The following UPP2 variants were observed in gnomAD, a reference collection of about 807,000 sequenced individuals.
UPP2 encodes the protein uridine phosphorylase 2.
In UPP2, 23 loss-of-function variants were observed where a neutral mutation model predicts 26.7. That is an observed-to-expected ratio of 0.86 (90% CI 0.62 to 1.22). UPP2 has a LOEUF of 1.22. Among genes scored for constraint, UPP2 ranks in the 50% most tolerant of loss-of-function variants. The pLI is 0.00. For missense variants in UPP2, 387 were observed against 396.7 expected (o/e 0.98, Z 0.21); for synonymous variants, 127 against 141.3 (o/e 0.90, Z 0.72).
chr2:158,068,845 TCTCA>T (rs1208565919), intron 3 of UPP2, among the ~76,000 whole-genome samples: 1 of 106,590 alleles, frequency 9.4e-6, no homozygotes, highest in Non-Finnish European at 1.8e-5. Context: ...TGAGACGGAG[TCTCA>T]CTCTGTCACC....
At chr2:158,013,038 C>T (rs899668997) in intron 2 of UPP2, among the ~76,000 whole-genome samples, 1 of 151,850 alleles carries the variant, frequency 6.6e-6, no homozygotes, top group Non-Finnish European at 1.5e-5. Flanking sequence ...TAGATTCTTG[C>T]TGTTGCCCAG....
intron 3 of UPP2, among the ~76,000 whole-genome samples, chr2:158,088,969 G>C (rs1031218982): frequency 3.3e-5 from 5 of 152,192 alleles, no homozygotes; most frequent in African/African-American, 7.2e-5. Context: ...CCTCCAGCCA[G>C]GGGGTGGTGC....
chr2:158,006,066 T>C (rs1411233120), intron 2 of UPP2, among the ~76,000 whole-genome samples: 2 of 152,216 alleles, frequency 1.3e-5, no homozygotes, highest in Non-Finnish European at 2.9e-5. Context: ...GTCTGGGCTG[T>C]TAGTCCTAAA....
chr2:158,061,290 G>A (rs1682347804), intron 3 of UPP2, among the ~76,000 whole-genome samples: 1 of 152,150 alleles, frequency 6.6e-6, no homozygotes, highest in Non-Finnish European at 1.5e-5. Context: ...CACAGCTGGA[G>A]CCCAGATTTT....
At chr2:158,001,050 CT>C (rs2105462248) in intron 2 of UPP2, among the ~76,000 whole-genome samples, 1 of 152,292 alleles carries the variant, frequency 6.6e-6, no homozygotes, top group African/African-American at 2.4e-5. Flanking sequence ...GAAGTTTCTC[CT>C]TTGTTTCTCT....
intron 3 of UPP2, among the ~76,000 whole-genome samples, chr2:158,019,821 T>A (rs1033748580): frequency 2.6e-5 from 4 of 152,144 alleles, no homozygotes; most frequent in Admixed American, 1.3e-4. Flanking sequence ...GACAAAGAAC[T>A]AGCATGCAGG....
intron 3 of UPP2, among the ~76,000 whole-genome samples, chr2:158,035,000 T>A (rs1245745581): frequency 6.6e-6 from 1 of 152,184 alleles, no homozygotes; most frequent in East Asian, 1.9e-4. Context: ...TTCTTGAAGA[T>A]GTGAAGCAGA....
chr2:158,100,110 G>C (rs1683050330), upstream of UPP2, among the ~76,000 whole-genome samples: 1 of 152,238 alleles, frequency 6.6e-6, no homozygotes, highest in Non-Finnish European at 1.5e-5. Flanking sequence ...CGAGTCTTGA[G>C]AAGATTGAAA....
chr2:158,056,827 G>A (rs1359602130), intron 3 of UPP2, among the ~76,000 whole-genome samples: 1 of 152,150 alleles, frequency 6.6e-6, no homozygotes, highest in African/African-American at 2.4e-5. Context: ...GAAGTACTGG[G>A]AGCTAGAATG....
intron 2 of UPP2, among the ~76,000 whole-genome samples, chr2:158,003,165 G>A (rs1371885271): frequency 6.6e-6 from 1 of 152,090 alleles, no homozygotes; most frequent in Non-Finnish European, 1.5e-5. Flanking sequence ...GGGGGCTCAG[G>A]GAGGTCCTGA....
At chr2:158,030,732 T>G (rs538338370) in intron 3 of UPP2, among the ~76,000 whole-genome samples, 1 of 152,216 alleles carries the variant, frequency 6.6e-6, no homozygotes, top group Non-Finnish European at 1.5e-5. Flanking sequence ...ACAGCCAGGA[T>G]AACTAAATGT....
At chr2:158,062,159 G>A (rs534319982) in intron 3 of UPP2, among the ~76,000 whole-genome samples, 1 of 152,336 alleles carries the variant, frequency 6.6e-6, no homozygotes, top group East Asian at 1.9e-4. Context: ...GACTACTGCT[G>A]TCTAATAGAA....
At chr2:158,057,676 A>G (rs2105175983) in intron 3 of UPP2, among the ~76,000 whole-genome samples, 1 of 151,782 alleles carries the variant, frequency 6.6e-6, no homozygotes, top group South Asian at 2.1e-4. Context: ...GTTGATTCAG[A>G]TTCTTTATGT....
At chr2:157,999,641 T>C (rs1054248883) in intron 2 of UPP2, among the ~76,000 whole-genome samples, 11 of 152,254 alleles carry the variant, frequency 7.2e-5, no homozygotes, top group African/African-American at 2.7e-4. Flanking sequence ...ATGAGTTACA[T>C]ATATGACAGT....
At chr2:158,066,348 A>C (rs1316495622) in intron 3 of UPP2, among the ~76,000 whole-genome samples, 1 of 152,218 alleles carries the variant, frequency 6.6e-6, no homozygotes, top group Non-Finnish European at 1.5e-5. Context: ...ATCATGCAGT[A>C]TTGAGTTATG....
chr2:158,061,789 T>A (rs938320855), intron 3 of UPP2, among the ~76,000 whole-genome samples: 1 of 152,260 alleles, frequency 6.6e-6, no homozygotes, highest in Non-Finnish European at 1.5e-5. Flanking sequence ...GTCTGGCCCT[T>A]GGCCTATGTG....
chr2:158,045,623 T>C (rs1468011855), intron 3 of UPP2, among the ~76,000 whole-genome samples: 1 of 152,184 alleles, frequency 6.6e-6, no homozygotes, highest in African/African-American at 2.4e-5. Flanking sequence ...AACTTCCTGA[T>C]GTTTTACTTT....
chr2:158,080,328 C>A (rs1331819651), intron 3 of UPP2, among the ~76,000 whole-genome samples: 1 of 151,990 alleles, frequency 6.6e-6, no homozygotes, highest in Admixed American at 6.6e-5. Context: ...GCTTGCTGGC[C>A]CAATGATACA....
chr2:158,116,056 G>C (rs898297984), intron 3 of UPP2, among the ~76,000 whole-genome samples: 1 of 152,168 alleles, frequency 6.6e-6, no homozygotes, highest in African/African-American at 2.4e-5. Flanking sequence ...CTACCATAGG[G>C]AATAGGCATC....
Sources: gnomAD v4.1 joint callset for allele counts (sites outside exome capture counted in the v4.1 genomes callset) on GRCh38, gnomAD v4.1.1 for gene constraint, MANE v1.5 for transcripts, NCBI Gene and HGNC (gene_info 2026-07-23, HGNC 2026-07-21) for gene names.